Variants in RGS6 observed in about 807,000 individuals in gnomAD.
RGS6 encodes the protein regulator of G-protein signaling 6.
Under a neutral mutation model 78.5 loss-of-function variants are expected in RGS6, and 30 were observed. The ratio of observed to expected loss-of-function variants is 0.38; its 90% CI spans 0.29 to 0.52. RGS6 has a LOEUF of 0.52. RGS6 is among the 20% of genes least tolerant of loss of function. RGS6 has a pLI of 0.85. For synonymous variants in RGS6, 206 were observed against 206.0 expected, an observed-to-expected ratio of 1.00 and a Z score of 0.00; for missense variants, 495 against 609.7, an observed-to-expected ratio of 0.81 and a Z score of 1.98.
chr14:72,412,866 A>G (rs2093525590), intron 3 of RGS6, among the ~76,000 whole-genome samples: 1 of 152,210 alleles, frequency 6.6e-6, no homozygotes, highest in Non-Finnish European at 1.5e-5. Context: ...GTTTCCATGT[A>G]GTTGAGCAGT....
chr14:72,167,973 G>T (rs932303396), intron 2 of RGS6, among the ~76,000 whole-genome samples: 3 of 152,174 alleles, frequency 2.0e-5, no homozygotes, highest in Non-Finnish European at 2.9e-5. Context: ...GAGGTCTCTG[G>T]TGGGGATTCT....
At chr14:72,021,464 CTTTTT>C (rs533727083) in intron 2 of RGS6, among the ~76,000 whole-genome samples, 2,143 of 122,368 alleles carry the variant, frequency 0.018, 20 homozygotes, top group Middle Eastern at 0.05. Flanking sequence ...CTTTTTCTAA[CTTTTT>C]TTTTTTTTTT....
At chr14:71,876,473 C>CTTTTTTTTTTTT in the RGS6 span, among the ~76,000 whole-genome samples, 1 of 72,494 alleles carries the variant, frequency 1.4e-5, no homozygotes, top group Non-Finnish European at 2.5e-5. Flanking sequence ...GCAACCGCTG[C>CTTTTTTTTTTTT]TTTTTTTTTT....
chr14:72,021,932 C>T (rs2088686972), intron 2 of RGS6, among the ~76,000 whole-genome samples: 1 of 149,270 alleles, frequency 6.7e-6, no homozygotes, highest in Non-Finnish European at 1.5e-5. Flanking sequence ...CCTTCTGCCA[C>T]CCCCACCCTC....
chr14:72,325,534 G>A (rs907820293), intron 2 of RGS6, among the ~76,000 whole-genome samples: 1 of 152,090 alleles, frequency 6.6e-6, no homozygotes, highest in Non-Finnish European at 1.5e-5. Flanking sequence ...TTTTGTATAA[G>A]GTGTGAGGAA....
intron 2 of RGS6, among the ~76,000 whole-genome samples, chr14:72,117,830 T>G (rs2095940045): frequency 6.6e-6 from 1 of 152,126 alleles, no homozygotes; most frequent in Admixed American, 6.5e-5. Flanking sequence ...CCCTTCTGCC[T>G]CCTTTGCCTT....
At chr14:72,012,719 T>C (rs754751346) in intron 2 of RGS6, among the ~76,000 whole-genome samples, 2 of 152,160 alleles carry the variant, frequency 1.3e-5, no homozygotes, top group Admixed American at 6.5e-5. Flanking sequence ...TTTTGTGTAA[T>C]GGTGAAGAAC....
chr14:72,425,123 A>G (rs977090011), intron 3 of RGS6, among the ~76,000 whole-genome samples: 2 of 152,230 alleles, frequency 1.3e-5, no homozygotes, highest in Non-Finnish European at 2.9e-5. Flanking sequence ...AAAAGAAAGA[A>G]TTGATGGATT....
At chr14:72,066,252 C>G (rs2094139527) in intron 2 of RGS6, among the ~76,000 whole-genome samples, 1 of 152,070 alleles carries the variant, frequency 6.6e-6, no homozygotes, top group Non-Finnish European at 1.5e-5. Flanking sequence ...ATTTTGCTAT[C>G]TCTCCAGGTT....
At chr14:72,627,274 G>A in the RGS6 span, among the ~76,000 whole-genome samples, 23 of 152,126 alleles carry the variant, frequency 1.5e-4, no homozygotes, top group Non-Finnish European at 3.1e-4. Context: ...TAGTACTAGC[G>A]TGGTTTTACT....
chr14:71,894,126 C>T, the RGS6 span, among the ~76,000 whole-genome samples: 12 of 152,180 alleles, frequency 7.9e-5, no homozygotes, highest in Admixed American at 2.6e-4. Flanking sequence ...TTTGTCCCTC[C>T]GATTGTCAGA....
At chr14:72,044,094 G>C (rs1254556076) in intron 2 of RGS6, among the ~76,000 whole-genome samples, 2 of 152,058 alleles carry the variant, frequency 1.3e-5, no homozygotes, top group African/African-American at 4.8e-5. Context: ...GTCTCCTCAT[G>C]AGCCCATCAA....
intron 15 of RGS6, among the ~76,000 whole-genome samples, chr14:72,524,935 G>A (rs1159540032): frequency 6.6e-6 from 1 of 152,152 alleles, no homozygotes; most frequent in East Asian, 1.9e-4. Flanking sequence ...ACTCGTCCCA[G>A]CCCCACTGCT....
chr14:72,620,021 T>G, the RGS6 span: 6 of 1,496,880 alleles, frequency 4.0e-6, no homozygotes, highest in Admixed American at 2.1e-5. Context: ...GGAGGAGAGA[T>G]TCCATTATTC....
At chr14:72,293,600 T>A (rs2064077146) in intron 2 of RGS6, among the ~76,000 whole-genome samples, 2 of 152,098 alleles carry the variant, frequency 1.3e-5, no homozygotes, top group Admixed American at 1.3e-4. Context: ...ATTCTTAGAA[T>A]CCATAGGATC....
At chr14:72,083,322 G>A (rs138218993) in intron 2 of RGS6, among the ~76,000 whole-genome samples, 2 of 152,118 alleles carry the variant, frequency 1.3e-5, no homozygotes, top group African/African-American at 2.4e-5. Flanking sequence ...CTTTGTGCTC[G>A]CTGGGGTCCC....
the RGS6 span, among the ~76,000 whole-genome samples, chr14:71,885,147 C>T: frequency 6.6e-6 from 1 of 152,158 alleles, no homozygotes; most frequent in Non-Finnish European, 1.5e-5. Flanking sequence ...TTCTTCCAAC[C>T]CACCTACAGA....
At chr14:72,401,512 G>A (rs1050994452) in intron 3 of RGS6, among the ~76,000 whole-genome samples, 4 of 151,894 alleles carry the variant, frequency 2.6e-5, no homozygotes, top group East Asian at 3.9e-4. Flanking sequence ...GATGTTGCCC[G>A]AGGGAAAGGG....
At position 72,276,387 on chromosome 14, in the gene RGS6, ATAAAT is replaced by A. The variant is rs138626912; in HGVS notation, c.85-75706_85-75702del. Among the ~76,000 whole-genome samples, 67 of 152,362 alleles carry A rather than the reference ATAAAT, an allele frequency of 4.4e-4. 1 individual carries two copies. The East Asian group carries it at 6.9e-3, about 16-fold the overall frequency. On this transcript the variant is annotated intron_variant, in intron 2 of 17. Coordinates refer to ENST00000553525, the MANE Select transcript of RGS6 (RefSeq NM_001204424.2). ...AGTGGTGAAAAAAGTCTTTAAAAAAATAAATTGCAGAATATACATGCAGCACATAG... is the reference window on the plus strand; with the variant it reads ...AGTGGTGAAAAAAGTCTTTAAAAAAATGCAGAATATACATGCAGCACATAG...
Sources: allele counts gnomAD v4.1 joint callset (sites outside exome capture counted in the v4.1 genomes callset), GRCh38; gene constraint gnomAD v4.1.1; transcripts MANE v1.5; gene names NCBI Gene and HGNC (gene_info 2026-07-23, HGNC 2026-07-21).